Variants in MAP1B observed in about 807,000 individuals in gnomAD.
MAP1B encodes the protein microtubule-associated protein 1B.
MAP1B carries 12 observed loss-of-function variants against 176.1 expected under a neutral mutation model. The ratio of observed to expected loss-of-function variants is 0.07; its 90% CI spans 0.04 to 0.11. The LOEUF is 0.11. Among genes scored for constraint, MAP1B ranks in the 10% least tolerant of loss-of-function variants. The pLI is 1.00. For missense variants in MAP1B, 2,523 were observed against 2,990.5 expected (o/e 0.84, Z 3.65); for synonymous variants, 1,044 against 1,135.0 (o/e 0.92, Z 1.61).
intron 2 of MAP1B, among the ~76,000 whole-genome samples, chr5:72,138,710 A>G (rs1745882661): frequency 6.6e-6 from 1 of 152,220 alleles, no homozygotes; most frequent in Non-Finnish European, 1.5e-5. Context: ...ATATCTTCGA[A>G]GAATCTTTAC....
intron 1 of MAP1B, among the ~76,000 whole-genome samples, chr5:72,110,300 GA>G (rs1745304596): frequency 6.6e-6 from 1 of 152,196 alleles, no homozygotes; most frequent in Non-Finnish European, 1.5e-5. Flanking sequence ...ACTCCGAAAT[GA>G]CTGTATTGAT....
intron 4 of MAP1B, among the ~76,000 whole-genome samples, chr5:72,192,128 A>C (rs1279511740): frequency 6.6e-6 from 1 of 152,212 alleles, no homozygotes. Context: ...GCCCCCTAAA[A>C]CATATTATAA....
In MAP1B at chr5:72,199,330, A is replaced by G. The variant is rs1377863549; in HGVS notation, c.5975A>G (p.Asp1992Gly). 6.2e-7 allele frequency: 1 copy of G among 1,614,042 alleles called. No homozygotes were observed. The highest frequency in any genetic ancestry group is 1.7e-5 in the Admixed American group (1 of 60,002). ...RLLDDISNGY[D>G]DSEDGGHTLG... is the part of the protein sequence containing the mutation. ...CTGGATGACATCAGCAATGGCTATG[A>G]TGACTCTGAGGATGGTGGCCACACA... The change falls in exon 5 of 7, where the codon GAT becomes GGT. Residue 1992 changes from aspartate to glycine, a missense_variant. Asp to Gly is a moderately conservative substitution (Grantham distance 94, BLOSUM62 -1). This residue lies in a region of MAP1B where 1,925 missense variants were observed against 2,126.0 expected (regional missense o/e 0.91). Coordinates refer to ENST00000296755, the MANE Select transcript of MAP1B (RefSeq NM_005909.5). The surrounding 1 kb of genome is among the most constrained non-coding windows in gnomAD (Gnocchi z 4.2).
intron 2 of MAP1B, among the ~76,000 whole-genome samples, chr5:72,131,878 G>T (rs1745740432): frequency 6.6e-6 from 1 of 152,154 alleles, no homozygotes; most frequent in Non-Finnish European, 1.5e-5. Context: ...CCAACAGTAC[G>T]CAGCCTTCTT....
At chr5:72,136,095 C>T (rs368265150) in intron 2 of MAP1B, among the ~76,000 whole-genome samples, 12 of 152,308 alleles carry the variant, frequency 7.9e-5, no homozygotes, top group African/African-American at 2.9e-4. Context: ...GGAGAAGGCA[C>T]TGCCTTGTGC....
rs553798245 is a variant in MAP1B at position 72,111,053 on chromosome 5, T to G, written c.184+3338T>G. Reference sequence around the variant, plus strand: ...TTCATTTATTTAGTTATGCAGGACTTTATTCCAAATCGTTTTCGCTACCAC... The same window carrying G: ...TTCATTTATTTAGTTATGCAGGACTGTATTCCAAATCGTTTTCGCTACCAC... On this transcript the variant is annotated intron_variant, in intron 1 of 6. Transcript: ENST00000296755. Among the ~76,000 whole-genome samples the G allele has an allele frequency of 1.6e-4, 25 of 152,318 alleles. No individual in the cohort carries two copies. The East Asian group carries it at 4.8e-3, about 29-fold the overall frequency.
At position 72,197,183 on chromosome 5, in the gene MAP1B, T is replaced by C. The variant is rs1747195678; in HGVS notation, c.3828T>C (p.Ser1276=). The change falls in exon 5 of 7, where the codon AGT becomes AGC. Residue 1276 remains serine, a synonymous_variant. Coordinates refer to ENST00000296755, the MANE Select transcript of MAP1B (RefSeq NM_005909.5). ...AAAAGACCCCCCTGGGTGAACGTAG[T>C]GTGAACTTCTCTCTGACGCCCAATG... is the stretch of plus-strand genomic sequence containing the variant. ...PLEKTPLGER[S]VNFSLTPNEI... The C allele has an allele frequency of 6.2e-7, 1 of 1,614,066 alleles. No individual in the cohort carries two copies. The highest frequency in any genetic ancestry group is 8.5e-7 in the Non-Finnish European group (1 of 1,180,026).
chr5:72,195,220 A>T lies in MAP1B; in HGVS notation c.1865A>T (p.Glu622Val). ...TCTCCAGTGAAAGCCGAGGTGGCTG[A>T]GAAGCAAGCCACAGATGTCAAACCC... is the stretch of plus-strand genomic sequence containing the variant. ...EPSPVKAEVA[E>V]KQATDVKPKA... Residue 622 changes from glutamate to valine, a missense_variant, in exon 5 of 7, where the codon GAG (glutamate) becomes GTG (valine). Physicochemically the swap from Glu to Val is moderately radical, Grantham distance 121 (BLOSUM62 -2). Transcript: ENST00000296755. The T allele has an allele frequency of 6.2e-7, 1 of 1,613,936 alleles. No individual in the cohort carries two copies. The highest frequency in any genetic ancestry group is 8.5e-7 in the Non-Finnish European group (1 of 1,180,014).
intron 2 of MAP1B, among the ~76,000 whole-genome samples, chr5:72,120,841 T>C (rs1745515292): frequency 1.3e-5 from 2 of 152,230 alleles, no homozygotes; most frequent in Admixed American, 1.3e-4. Context: ...GGAGTATCTA[T>C]TTGACTTGTA....
rs909563578 is a variant in MAP1B at position 72,206,844 on chromosome 5, A to G, written c.*1605A>G. 1 of 152,158 alleles carries G rather than the reference A, an allele frequency of 6.6e-6. No individual in the cohort carries two copies. Among genetic ancestry groups the G allele is most frequent in the African/African-American group, 2.4e-5 (1 of 41,432 alleles). The allele number at this position is 152,158 out of a possible 1,614,324, so 9.4% of individuals were successfully genotyped here. ...TGATACCTCCCACCCCTTGATTCCC[A>G]TAACATAAAAGTGCTACTTGAGAGT... On this transcript the variant is annotated 3_prime_UTR_variant, in exon 7 of 7. Transcript: ENST00000296755.
rs137877270 is a variant in MAP1B at position 72,203,727 on chromosome 5, G to C, written c.7177G>C (p.Ala2393Pro). Residue 2393 changes from alanine (A) to proline (P), a missense_variant, in exon 6 of 7, where the codon GCT becomes CCT. By Grantham distance (27) the Ala-to-Pro change is conservative (BLOSUM62 -1). Around this residue, in one of 4 missense-constraint regions of MAP1B, gnomAD observed 287 missense variants for 401.5 expected, o/e 0.71. Transcript: ENST00000296755. ...SYYVVSGNDP[A>P]AEEPSRAVLD... ...CTACGTGGTGAGTGGGAATGACCCT[G>C]CTGCTGAGGAGCCCAGCCGGGCTGT... 5.6e-6 allele frequency: 9 copies of C among 1,613,924 alleles called. No homozygotes were observed. The African/African-American group carries it at 1.1e-4, about 19-fold the overall frequency.
intron 2 of MAP1B, among the ~76,000 whole-genome samples, chr5:72,176,659 C>G (rs1041105371): frequency 1.3e-5 from 2 of 152,210 alleles, no homozygotes; most frequent in African/African-American, 4.8e-5. Context: ...CTACCCATTT[C>G]TATGTATTAG....
rs1747427971 is a variant in MAP1B, at chr5:72,205,512, A to G, written c.*273A>G. On this transcript the variant is annotated 3_prime_UTR_variant, in exon 7 of 7. Coordinates refer to ENST00000296755, the MANE Select transcript of MAP1B (RefSeq NM_005909.5). ...GCTGAACATTTGGAAACCATGCACT[A>G]GCCAACCCAACTGACTTCTGCTAGG... The G allele has an allele frequency of 2.8e-6, 1 of 357,486 alleles. No individual in the cohort carries two copies. The highest frequency in any genetic ancestry group is 4.5e-5 in the Admixed American group (1 of 22,436). The allele number at this position is 357,486 out of a possible 1,614,324, so 22.1% of individuals were successfully genotyped here. A position where few individuals can be genotyped will look rare whatever the true frequency, so the allele number is the denominator to read the frequency against.
chr5:72,127,301 C>T (rs1406242764), intron 2 of MAP1B, among the ~76,000 whole-genome samples: 1 of 152,148 alleles, frequency 6.6e-6, no homozygotes, highest in African/African-American at 2.4e-5. Context: ...AAGCAATTTT[C>T]GAATCAGATT....
intron 1 of MAP1B, among the ~76,000 whole-genome samples, chr5:72,108,291 C>T (rs1252425031): frequency 2.0e-5 from 3 of 150,628 alleles, no homozygotes; most frequent in Non-Finnish European, 4.4e-5. Context: ...GCTCCCCCCG[C>T]CCCCCCCTCC....
intron 5 of MAP1B, among the ~76,000 whole-genome samples, chr5:72,201,015 C>T (rs1303978598): frequency 6.6e-6 from 1 of 152,154 alleles, no homozygotes; most frequent in African/African-American, 2.4e-5. Flanking sequence ...TGCTCTTACC[C>T]TTCTCTTACC....
intron 2 of MAP1B, among the ~76,000 whole-genome samples, chr5:72,137,209 T>A (rs1439703502): frequency 1.3e-5 from 2 of 152,148 alleles, no homozygotes; most frequent in Non-Finnish European, 2.9e-5. Context: ...TGCTGATAGA[T>A]CCTGTAGACT....
intron 4 of MAP1B, among the ~76,000 whole-genome samples, chr5:72,189,444 A>AT (rs1364684855): frequency 6.6e-6 from 1 of 152,092 alleles, no homozygotes; most frequent in South Asian, 2.1e-4. Context: ...AACACTGCCG[A>AT]TTTTTTCCCT....
chr5:72,202,749 A>G (rs1039465844), intron 5 of MAP1B, among the ~76,000 whole-genome samples: 11 of 152,200 alleles, frequency 7.2e-5, no homozygotes, highest in Admixed American at 3.3e-4. Context: ...CTGCCTCAAA[A>G]TGCTAGTTCT....
Sources: gnomAD v4.1 joint callset for allele counts (sites outside exome capture counted in the v4.1 genomes callset) on GRCh38, gnomAD v4.1.1 for gene constraint, gnomAD v4.1.1 regional missense constraint, Gnocchi (gnomAD v3.1) non-coding constraint, MANE v1.5 for transcripts, NCBI Gene and HGNC (gene_info 2026-07-23, HGNC 2026-07-21) for gene names.